IL25: variants seen among roughly 807,000 people sequenced by gnomAD.
IL25 encodes the protein interleukin-25.
In IL25, 10 loss-of-function variants were observed where a neutral mutation model predicts 13.2. That is an observed-to-expected ratio of 0.76 (90% CI 0.47 to 1.29). The LOEUF (loss-of-function observed/expected upper bound fraction) is 1.29. IL25 is among the 50% of genes most tolerant of loss of function. The pLI is 0.00. For missense variants in IL25, 235 were observed against 232.4 expected (o/e 1.01, Z -0.07); for synonymous variants, 107 against 92.1 (o/e 1.16, Z -0.93).
chr14:23,375,164 C>A (rs551494149), intron 1 of IL25, among the ~76,000 whole-genome samples: 1 of 152,170 alleles, frequency 6.6e-6, no homozygotes, highest in South Asian at 2.1e-4. Flanking sequence ...TCAGGAGAAT[C>A]GCTCGAACCC....
chr14:23,375,882 C>T (rs759236863), exon 2 of IL25: 30 of 1,612,702 alleles, frequency 1.9e-5, no homozygotes, highest in East Asian at 1.8e-4. Context: ...ATGGGCTAGC[C>T]GGACCTGCTG....
At chr14:23,375,864 C>T (rs747453967) in exon 2 of IL25, 1 of 1,614,064 alleles carries the variant, frequency 6.2e-7, no homozygotes, top group Non-Finnish European at 8.5e-7. Context: ...TGTGTGCGGC[C>T]CCGTGTGATG....
chr14:23,374,733 T>TC (rs59079443), intron 1 of IL25, among the ~76,000 whole-genome samples: 1,824 of 76,698 alleles, frequency 0.024, 34 homozygotes, highest in African/African-American at 0.1. Flanking sequence ...TTTCTTTCTT[T>TC]TTTTTTTTTT....
exon 1 of IL25, chr14:23,373,155 C>T (rs753036474): frequency 1.2e-6 from 2 of 1,614,196 alleles, no homozygotes; most frequent in Non-Finnish European, 1.7e-6. Context: ...GGACAGTTCT[C>T]TCATTAGCCT....
At chr14:23,374,730 CT>C (rs34356139) in intron 1 of IL25, among the ~76,000 whole-genome samples, 205 of 132,718 alleles carry the variant, frequency 1.5e-3, no homozygotes, top group South Asian at 3.2e-3. Context: ...TTCTTTCTTT[CT>C]TTTTTTTTTT....
chr14:23,375,846 C>T, exon 2 of IL25: 1 of 1,614,234 alleles, frequency 6.2e-7, no homozygotes, highest in Non-Finnish European at 8.5e-7. Flanking sequence ...GTTTCCTTAG[C>T]TTGTGTGTGT....
At chr14:23,374,726 CTTTCT>C (rs1890491771) in intron 1 of IL25, among the ~76,000 whole-genome samples, 1 of 116,560 alleles carries the variant, frequency 8.6e-6, no homozygotes, top group Admixed American at 7.4e-5. Flanking sequence ...TTCTTTCTTT[CTTTCT>C]TTTTTTTTTT....
chr14:23,375,385 C>G (rs577680491), intron 1 of IL25, among the ~76,000 whole-genome samples: 1 of 152,380 alleles, frequency 6.6e-6, no homozygotes, highest in South Asian at 2.1e-4. Context: ...CCCTGCCTCC[C>G]TCACGGTCCC....
chr14:23,376,191 C>T (rs1890554044), exon 2 of IL25: 1 of 377,888 alleles, frequency 2.6e-6, no homozygotes, highest in Admixed American at 4.3e-5. Flanking sequence ...CCCTGCTACC[C>T]TGGCCCAGCA....
exon 2 of IL25, chr14:23,375,973 C>T (rs1595037855): frequency 3.3e-6 from 5 of 1,524,322 alleles, no homozygotes; most frequent in Middle Eastern, 3.5e-4. Flanking sequence ...AGATGCTTGG[C>T]CCCTGTGAAG....
At chr14:23,374,446 C>T (rs1178217654) in intron 1 of IL25, among the ~76,000 whole-genome samples, 3 of 152,212 alleles carry the variant, frequency 2.0e-5, no homozygotes, top group Non-Finnish European at 4.4e-5. Flanking sequence ...TCTCCTACCC[C>T]TTGGAGATTC....
chr14:23,375,859 G>A, exon 2 of IL25: 1 of 1,614,136 alleles, frequency 6.2e-7, no homozygotes, highest in Non-Finnish European at 8.5e-7. Context: ...GTGTGTGTGT[G>A]CGGCCCCGTG....
At chr14:23,375,165 G>A (rs1019892227) in intron 1 of IL25, among the ~76,000 whole-genome samples, 6 of 152,036 alleles carry the variant, frequency 3.9e-5, no homozygotes, top group African/African-American at 1.2e-4. Context: ...CAGGAGAATC[G>A]CTCGAACCCA....
exon 2 of IL25, chr14:23,375,936 C>T (rs938588055): frequency 1.9e-6 from 3 of 1,586,518 alleles, no homozygotes; most frequent in Admixed American, 3.4e-5. Flanking sequence ...GGTGTACAAC[C>T]ACTTGCCATG....
In IL25 at chr14:23,373,213, C is replaced by T. The variant is rs776611356; in HGVS notation, c.95C>T (p.Thr32Ile). ...TTGGCAATGGTCATGGGAACCCACACCTACAGCCACTGGCCCAGCTGCTGC... is the reference window on the plus strand; with the variant it reads ...TTGGCAATGGTCATGGGAACCCACATCTACAGCCACTGGCCCAGCTGCTGC... The change falls in exon 1 of 2, where the codon ACC (threonine) becomes ATC (isoleucine). Residue 32 changes from threonine to isoleucine, a missense_variant. Physicochemically the swap from Thr to Ile is moderately conservative, Grantham distance 89 (BLOSUM62 -1). Coordinates refer to ENST00000329715, the Ensembl canonical transcript of IL25. The T allele has an allele frequency of 4.3e-6, 7 of 1,614,124 alleles. No individual in the cohort carries two copies. In the African/African-American group the frequency reaches 8.0e-5, roughly 18 times the overall value.
chr14:23,373,053 A>G lies in IL25; in HGVS notation c.-66A>G, dbSNP rs571184534. The stretch of plus-strand genomic sequence containing the variant: ...TGCTGCTGAGGGTGGAGGGAGGCCA[A>G]GCTGCCAGGTTTGGGGCTGGGGGCC... On this transcript the variant is annotated 5_prime_UTR_variant, in exon 1 of 2. Transcript: ENST00000329715. 3.5e-5 allele frequency: 56 copies of G among 1,614,062 alleles called. No individual in the cohort carries two copies. In the African/African-American group the frequency reaches 5.6e-4, roughly 16 times the overall value.
chr14:23,375,858 T>C (rs1232026059), exon 2 of IL25: 11 of 1,613,986 alleles, frequency 6.8e-6, no homozygotes, highest in Non-Finnish European at 9.3e-6. Context: ...TGTGTGTGTG[T>C]GCGGCCCCGT....
exon 1 of IL25, chr14:23,373,301 C>T: frequency 1.9e-6 from 3 of 1,614,160 alleles, no homozygotes; most frequent in Middle Eastern, 1.6e-4. Context: ...CTGTGCCTCC[C>T]CTAGAGCCTG....
rs145160878 is a variant in IL25 at position 23,375,644 on chromosome 14, C to T, written c.298C>T (p.Arg100Trp). The T allele has an allele frequency of 5.6e-4, 909 of 1,613,920 alleles. 1 individual carries two copies. In the Middle Eastern group the frequency reaches 0.011, roughly 19 times the overall value. The change falls in exon 2 of 2, where the codon CGG (arginine) becomes TGG (tryptophan). Residue 100 changes from arginine (R) to tryptophan (W), a missense_variant. Arg to Trp is a moderately radical substitution (Grantham distance 101, BLOSUM62 -3). Coordinates refer to ENST00000329715, the Ensembl canonical transcript of IL25. ...CCACAGGTTGGACAGAGACTTGAAC[C>T]GGCTCCCCCAGGACCTGTACCACGC...
Sources: allele counts gnomAD v4.1 joint callset (sites outside exome capture counted in the v4.1 genomes callset), GRCh38; gene constraint gnomAD v4.1.1; transcripts MANE v1.5; gene names NCBI Gene and HGNC (gene_info 2026-07-23, HGNC 2026-07-21).